The following B3GALT1 variants were observed in gnomAD, a reference collection of about 807,000 sequenced individuals.
The protein encoded by B3GALT1 is beta-1,3-galactosyltransferase 1.
In B3GALT1, 10 loss-of-function variants were observed where a neutral mutation model predicts 23.2. The observed-to-expected ratio is 0.43, with a 90% CI of 0.27 to 0.73. The LOEUF (loss-of-function observed/expected upper bound fraction) is 0.73. Among genes scored for constraint, B3GALT1 ranks in the 30% least tolerant of loss-of-function variants. The probability of loss-of-function intolerance (pLI) is 0.21; values close to 1 mark genes in which losing one functional copy is unlikely to be tolerated. For synonymous variants in B3GALT1, 156 were observed against 141.5 expected (o/e 1.10, Z -0.73); for missense variants, 299 against 405.4 (o/e 0.74, Z 2.25).
intron 1 of B3GALT1, among the ~76,000 whole-genome samples, chr2:167,315,227 T>C (rs911156596): frequency 2.0e-5 from 3 of 152,198 alleles, no homozygotes; most frequent in East Asian, 1.9e-4. Flanking sequence ...CTGTTTAATA[T>C]TGTGGTAAGT....
At chr2:167,768,414 A>G (rs1222710645) in intron 3 of B3GALT1, among the ~76,000 whole-genome samples, 1 of 152,152 alleles carries the variant, frequency 6.6e-6, no homozygotes, top group Non-Finnish European at 1.5e-5. Context: ...GAAAATAGTC[A>G]TCATGGTCTG....
At chr2:167,725,182 C>T (rs978916005) in intron 3 of B3GALT1, among the ~76,000 whole-genome samples, 1 of 152,136 alleles carries the variant, frequency 6.6e-6, no homozygotes, top group Non-Finnish European at 1.5e-5. Flanking sequence ...TAATGTCTGT[C>T]ATCTAGAAGC....
intron 3 of B3GALT1, among the ~76,000 whole-genome samples, chr2:167,704,577 C>T (rs1476892717): frequency 6.6e-6 from 1 of 151,876 alleles, no homozygotes; most frequent in South Asian, 2.1e-4. Context: ...TATTAAAGAT[C>T]TGGCCTCTAA....
chr2:167,716,318 C>T (rs565099914), intron 3 of B3GALT1, among the ~76,000 whole-genome samples: 3 of 152,298 alleles, frequency 2.0e-5, no homozygotes, highest in East Asian at 3.9e-4. Context: ...GGTCCGAGCC[C>T]GACCCGCCTT....
At chr2:167,705,975 G>GA (rs1558954712) in intron 3 of B3GALT1, among the ~76,000 whole-genome samples, 1 of 152,170 alleles carries the variant, frequency 6.6e-6, no homozygotes, top group Non-Finnish European at 1.5e-5. Flanking sequence ...GCATTGACTA[G>GA]AGGCAAGAGG....
At chr2:167,792,940 T>G (rs960283254) in intron 3 of B3GALT1, among the ~76,000 whole-genome samples, 3 of 151,578 alleles carry the variant, frequency 2.0e-5, no homozygotes, top group Non-Finnish European at 4.4e-5. Context: ...GGAAGATGAC[T>G]ACTCACTTAT....
intron 1 of B3GALT1, among the ~76,000 whole-genome samples, chr2:167,471,358 A>C (rs1699416194): frequency 6.6e-6 from 1 of 152,186 alleles, no homozygotes; most frequent in African/African-American, 2.4e-5. Context: ...TATCCTTTCA[A>C]AGTTAGCTGA....
At chr2:167,810,789 G>T (rs1464924286) in intron 3 of B3GALT1, among the ~76,000 whole-genome samples, 1 of 152,050 alleles carries the variant, frequency 6.6e-6, no homozygotes, top group Non-Finnish European at 1.5e-5. Context: ...TGCACATACT[G>T]CCCCAAGTTG....
intron 1 of B3GALT1, among the ~76,000 whole-genome samples, chr2:167,452,685 G>A (rs934268077): frequency 6.6e-6 from 1 of 152,142 alleles, no homozygotes; most frequent in East Asian, 1.9e-4. Flanking sequence ...CTGTTCATCC[G>A]AGTGGGAGCT....
At chr2:167,818,502 T>C (rs1457978787) in intron 3 of B3GALT1, among the ~76,000 whole-genome samples, 170 bp from the exon 4 acceptor site, 1 of 152,230 alleles carries the variant, frequency 6.6e-6, no homozygotes, top group Non-Finnish European at 1.5e-5. Context: ...TTCTTCATTC[T>C]TTTTTCATTC....
At chr2:167,618,356 A>T (rs1252119153) in intron 2 of B3GALT1, among the ~76,000 whole-genome samples, 1 of 152,136 alleles carries the variant, frequency 6.6e-6, no homozygotes, top group East Asian at 1.9e-4. Context: ...CATCCATAGT[A>T]CTCAACTATT....
intron 3 of B3GALT1, among the ~76,000 whole-genome samples, chr2:167,665,732 T>C (rs185947703): frequency 0.017 from 2,515 of 152,298 alleles, 65 homozygotes; most frequent in African/African-American, 0.057. Context: ...TTCTTTTAGA[T>C]TTTCTAGTTT....
chr2:167,634,392 A>G (rs193001315), intron 2 of B3GALT1, among the ~76,000 whole-genome samples: 3 of 152,280 alleles, frequency 2.0e-5, no homozygotes, highest in Non-Finnish European at 4.4e-5. Context: ...AACCCTTCAA[A>G]AAATCAATGA....
intron 4 of B3GALT1, among the ~76,000 whole-genome samples, chr2:167,867,119 G>A (rs543919347): frequency 2.3e-4 from 35 of 152,126 alleles, no homozygotes; most frequent in Admixed American, 2.0e-3. Context: ...GTAGAGACGG[G>A]GTTTCACCGT....
chr2:167,551,857 C>T (rs771391570), intron 2 of B3GALT1, among the ~76,000 whole-genome samples: 1 of 152,060 alleles, frequency 6.6e-6, no homozygotes, highest in Non-Finnish European at 1.5e-5. Context: ...TGTTGGAGGT[C>T]TGGGAGCACA....
intron 3 of B3GALT1, among the ~76,000 whole-genome samples, chr2:167,678,944 G>T (rs1471065552): frequency 6.6e-6 from 1 of 152,002 alleles, no homozygotes; most frequent in Admixed American, 6.5e-5. Context: ...AGTAATGTAT[G>T]CACTTCTATT....
chr2:167,716,473 A>T (rs1200000738), intron 3 of B3GALT1, among the ~76,000 whole-genome samples: 2 of 152,234 alleles, frequency 1.3e-5, no homozygotes, highest in Non-Finnish European at 2.9e-5. Context: ...TTTATCTGAT[A>T]TACGTACAGG....
chr2:167,385,827 C>T (rs1026671749), intron 1 of B3GALT1, among the ~76,000 whole-genome samples: 1 of 152,148 alleles, frequency 6.6e-6, no homozygotes, highest in Non-Finnish European at 1.5e-5. Context: ...CACTTTGCAG[C>T]TCGGCCTCAG....
At chr2:167,785,649 C>A (rs570618696) in intron 3 of B3GALT1, among the ~76,000 whole-genome samples, 196 of 152,286 alleles carry the variant, frequency 1.3e-3, no homozygotes, top group African/African-American at 4.5e-3. Flanking sequence ...AATCACATAG[C>A]TAATTGGAAC....
Sources: allele counts gnomAD v4.1 joint callset (sites outside exome capture counted in the v4.1 genomes callset), GRCh38; gene constraint gnomAD v4.1.1; transcripts MANE v1.5; gene names NCBI Gene and HGNC (gene_info 2026-07-23, HGNC 2026-07-21).